Variants in SHTN1 observed in about 807,000 individuals in gnomAD.
SHTN1 encodes the protein shootin-1.
Under a neutral mutation model 83.1 loss-of-function variants are expected in SHTN1, and 42 were observed. The ratio of observed to expected loss-of-function variants is 0.51; its 90% CI spans 0.39 to 0.65. The LOEUF (loss-of-function observed/expected upper bound fraction) is 0.65. Among genes scored for constraint, SHTN1 ranks in the 30% least tolerant of loss-of-function variants. SHTN1 has a pLI of 0.00. For missense variants in SHTN1, 622 were observed against 737.8 expected, an observed-to-expected ratio of 0.84 and a Z score of 1.82; for synonymous variants, 224 against 247.7, an observed-to-expected ratio of 0.90 and a Z score of 0.90.
At chr10:116,931,933 G>A (rs994852624) in intron 9 of SHTN1, among the ~76,000 whole-genome samples, 7 of 152,208 alleles carry the variant, frequency 4.6e-5, no homozygotes, top group African/African-American at 1.4e-4. Flanking sequence ...TGCTGCATCT[G>A]CAAGGGAACT....
chr10:116,915,543 T>G, intron 12 of SHTN1, 59 bp from the exon 13 acceptor site: 1 of 962,820 alleles, frequency 1.0e-6, no homozygotes, highest in Non-Finnish European at 1.6e-6. Context: ...CTACTTCCTA[T>G]TTTTGGTGAC....
chr10:116,923,031 A>T (rs2133367092), intron 11 of SHTN1, among the ~76,000 whole-genome samples: 1 of 152,282 alleles, frequency 6.6e-6, no homozygotes, highest in Middle Eastern at 3.4e-3. Context: ...GATACATGAA[A>T]ATTCCAATTA....
intron 1 of SHTN1, among the ~76,000 whole-genome samples, chr10:117,105,692 G>A (rs1299953538): frequency 6.6e-6 from 1 of 152,160 alleles, no homozygotes; most frequent in Non-Finnish European, 1.5e-5. Flanking sequence ...AGACTTTCTG[G>A]TTTGACATTA....
chr10:116,921,352 T>C (rs1019287161), intron 12 of SHTN1, 82 bp downstream of exon 12: 3 of 949,514 alleles, frequency 3.2e-6, no homozygotes, highest in African/African-American at 1.6e-5. Context: ...AACATGTTTA[T>C]AGTCAAAGAA....
chr10:117,034,196 A>G (rs1018794559), intron 2 of SHTN1, among the ~76,000 whole-genome samples: 1 of 152,198 alleles, frequency 6.6e-6, no homozygotes, highest in Non-Finnish European at 1.5e-5. Flanking sequence ...CAATTAGATT[A>G]GAGAAAGAAA....
At chr10:116,970,626 A>G (rs1019889443) in intron 2 of SHTN1, among the ~76,000 whole-genome samples, 2 of 151,782 alleles carry the variant, frequency 1.3e-5, no homozygotes, top group Non-Finnish European at 2.9e-5. Flanking sequence ...AGGCAGGAGA[A>G]CTGCTTGAAC....
chr10:116,941,931 C>A (rs116556422), intron 8 of SHTN1, among the ~76,000 whole-genome samples: 1 of 152,278 alleles, frequency 6.6e-6, no homozygotes, highest in East Asian at 1.9e-4. Context: ...TACAAAACTA[C>A]GACAGGGTTC....
At chr10:116,955,723 T>C (rs1270033786) in intron 4 of SHTN1, among the ~76,000 whole-genome samples, 1 of 152,216 alleles carries the variant, frequency 6.6e-6, no homozygotes, top group African/African-American at 2.4e-5. Flanking sequence ...GAGGTTTGTC[T>C]GACCTCTTTG....
upstream of SHTN1, among the ~76,000 whole-genome samples, chr10:117,009,846 T>C (rs1201727108): frequency 6.6e-6 from 1 of 151,536 alleles, no homozygotes; most frequent in Non-Finnish European, 1.5e-5. Flanking sequence ...GAGCTTGCAA[T>C]GAGCCGAGAT....
chr10:116,999,783 C>T (rs1166521851), intron 1 of SHTN1, among the ~76,000 whole-genome samples: 2 of 152,060 alleles, frequency 1.3e-5, no homozygotes, highest in Non-Finnish European at 2.9e-5. Context: ...TGTGGTGGCA[C>T]ATGCCTGTAG....
chr10:116,991,858 C>T (rs1851447798), intron 1 of SHTN1, among the ~76,000 whole-genome samples: 1 of 152,090 alleles, frequency 6.6e-6, no homozygotes, highest in South Asian at 2.1e-4. Flanking sequence ...TAAAATACTG[C>T]AGGCCGGGCA....
intron 1 of SHTN1, among the ~76,000 whole-genome samples, chr10:117,097,911 C>G (rs1853529742): frequency 6.6e-6 from 1 of 151,304 alleles, no homozygotes; most frequent in Non-Finnish European, 1.5e-5. Flanking sequence ...TTCCATCATC[C>G]CAACAGATTC....
chr10:117,054,607 C>T (rs953905901), intron 1 of SHTN1, among the ~76,000 whole-genome samples: 10 of 151,922 alleles, frequency 6.6e-5, no homozygotes, highest in Admixed American at 5.2e-4. Context: ...CGAGGTTTCA[C>T]GGTGTTAGCC....
chr10:116,912,553 C>T (rs1261351436), intron 13 of SHTN1, among the ~76,000 whole-genome samples: 2 of 152,182 alleles, frequency 1.3e-5, no homozygotes, highest in Non-Finnish European at 2.9e-5. Context: ...CTGGCCATAC[C>T]ATGGACAAAA....
Position 116,900,756 on chromosome 10 carries a change from A to G in SHTN1, c.1673+1009T>C, listed in dbSNP as rs544738588. On this transcript the variant is annotated intron_variant, in intron 16 of 16. Transcript: ENST00000355371. ...TAGAACTGTTCAAATGACTCTAGTC[A>G]AAAGAAAGGAAACACATGACTACAG... The G allele has an allele frequency of 1.8e-5, 18 of 984,892 alleles. No homozygotes were observed. In the East Asian group the frequency reaches 1.1e-3, roughly 62 times the overall value. 61.0% of individuals were successfully genotyped at this position (984,892 alleles called of 1,614,324 possible).
chr10:116,939,129 G>A (rs1202394159), intron 9 of SHTN1, among the ~76,000 whole-genome samples: 1 of 152,218 alleles, frequency 6.6e-6, no homozygotes, highest in African/African-American at 2.4e-5. Flanking sequence ...TGCTGGGCTA[G>A]ACCACTTGGC....
intron 2 of SHTN1, among the ~76,000 whole-genome samples, chr10:117,042,997 C>T: frequency 6.6e-6 from 1 of 152,080 alleles, no homozygotes; most frequent in Non-Finnish European, 1.5e-5. Flanking sequence ...TCTGTAAGAA[C>T]AGGTCATTGA....
At chr10:117,042,361 C>T (rs1326884693) in intron 2 of SHTN1, among the ~76,000 whole-genome samples, 2 of 152,166 alleles carry the variant, frequency 1.3e-5, no homozygotes, top group African/African-American at 4.8e-5. Flanking sequence ...TTCCATGGTG[C>T]TCAAGTCTGA....
intron 1 of SHTN1, among the ~76,000 whole-genome samples, chr10:117,057,697 A>T (rs970780806): frequency 6.6e-6 from 1 of 152,186 alleles, no homozygotes; most frequent in African/African-American, 2.4e-5. Flanking sequence ...TTAAGTTTAT[A>T]CCTTAAGCTG....
Sources: gnomAD v4.1 joint callset for allele counts (sites outside exome capture counted in the v4.1 genomes callset) on GRCh38, gnomAD v4.1.1 for gene constraint, MANE v1.5 for transcripts, NCBI Gene and HGNC (gene_info 2026-07-23, HGNC 2026-07-21) for gene names.